TTC38: variants seen among roughly 807,000 people sequenced by gnomAD.
The protein encoded by TTC38 is tetratricopeptide repeat domain 38.
TTC38 carries 64 observed loss-of-function variants against 64.2 expected under a neutral mutation model. The observed-to-expected ratio is 1.00, with a 90% CI of 0.81 to 1.23. TTC38 has a LOEUF of 1.23. Among genes scored for constraint, TTC38 ranks in the 50% most tolerant of loss-of-function variants. The probability of loss-of-function intolerance (pLI) is 0.00; values close to 1 mark genes in which losing one functional copy is unlikely to be tolerated. For synonymous variants in TTC38, 254 were observed against 249.3 expected, an observed-to-expected ratio of 1.02 and a Z score of -0.18; for missense variants, 573 against 615.5, an observed-to-expected ratio of 0.93 and a Z score of 0.73.
In TTC38 at chr22:46,268,557, A is replaced by G. The variant is rs954195851; in HGVS notation, c.77A>G (p.Glu26Gly). The G allele has an allele frequency of 1.2e-6, 2 of 1,614,062 alleles. No individual in the cohort carries two copies. Among genetic ancestry groups the G allele is most frequent in the African/African-American group, 1.3e-5 (1 of 75,076 alleles). ...CTCCCGCTCTCCACCACAAGCAACG[A>G]AGCCTGCAAGCTGTTCGATGCCACG... ...ARLPLSTTSN[E>G]ACKLFDATLT... is the part of the protein sequence containing the mutation. The change falls in exon 2 of 14, where the codon GAA becomes GGA. Residue 26 changes from glutamate to glycine, a missense_variant. Glu to Gly is a moderately conservative substitution (Grantham distance 98, BLOSUM62 -2). Around this residue, in one of 3 missense-constraint regions of TTC38, gnomAD observed 134 missense variants for 126.5 expected, o/e 1.06. Coordinates refer to ENST00000381031, the MANE Select transcript of TTC38 (RefSeq NM_017931.4).
In TTC38 at chr22:46,273,904, G is replaced by A. The variant is rs1237808303; in HGVS notation, c.200G>A (p.Gly67Asp). The A allele has an allele frequency of 5.6e-6, 9 of 1,614,196 alleles. No homozygotes were observed. The South Asian group carries it at 8.8e-5, about 16-fold the overall frequency. ...LKAADPTFVM[G>D]HAMATGLVLI... is the part of the protein sequence containing the mutation. ...TTCTCTAACCTCCCACCAGTGATGG[G>A]CCACGCCATGGCTACTGGCCTTGTG... Residue 67 changes from glycine (G) to aspartate (D), a missense_variant, in exon 4 of 14, where the codon GGC becomes GAC. By Grantham distance (94) the Gly-to-Asp change is moderately conservative (BLOSUM62 -1). Around this residue, in one of 3 missense-constraint regions of TTC38, gnomAD observed 134 missense variants for 126.5 expected, o/e 1.06. Coordinates refer to ENST00000381031, the MANE Select transcript of TTC38 (RefSeq NM_017931.4). The surrounding 1 kb of genome is among the most constrained non-coding windows in gnomAD (Gnocchi z 5.1).
In TTC38 at chr22:46,272,355, CAA is replaced by C; in HGVS notation, c.133_134del (p.Lys45GlufsTer84). The C allele has an allele frequency of 6.2e-7, 1 of 1,613,862 alleles. No homozygotes were observed. On this transcript the variant is annotated frameshift_variant, in exon 3 of 14. Transcript: ENST00000381031. LOFTEE classifies it high-confidence loss of function. The surrounding 1 kb of genome is among the most constrained non-coding windows in gnomAD (Gnocchi z 6.4). ...LTQYVKWTND[K>X]SLGGIEGCLS... ...TTCAGTATGTAAAATGGACCAATGA[CAA>C]GAGTCTCGGTGGCATCGAGGGCTGC... is the stretch of plus-strand genomic sequence containing the variant.
At chr22:46,285,147 C>A in intron 8 of TTC38, 94 bp from the exon 9 acceptor site, 3 of 1,106,714 alleles carry the variant, frequency 2.7e-6, no homozygotes, top group Non-Finnish European at 4.2e-6. Flanking sequence ...AGACCATGTG[C>A]TCAGGGGTCT....
intron 9 of TTC38, 100 bp from the exon 10 acceptor site, chr22:46,286,967 GCTCTAT>G: frequency 1.2e-6 from 1 of 801,568 alleles, no homozygotes; most frequent in Non-Finnish European, 2.0e-6. Flanking sequence ...CAGAGGGCTT[GCTCTAT>G]GCAGGCCCCA....
Position 46,281,007 on chromosome 22 carries a change from G to C in TTC38, c.616-592G>C, listed in dbSNP as rs534338916. 1.3e-5 allele frequency among the ~76,000 whole-genome samples: 2 copies of C among 152,236 alleles called. No homozygotes were observed. Among genetic ancestry groups the C allele is most frequent in the African/African-American group, 4.8e-5 (2 of 41,460 alleles). ...TCCATGAGTCCTGCCTGCCTCGCTG[G>C]TCGCTGTCAAGCTCACAGGTCATGG... is the stretch of plus-strand genomic sequence containing the variant. On this transcript the variant is annotated intron_variant, in intron 6 of 13. Transcript: ENST00000381031. This position sits in a 1 kb window ranked among gnomAD's most constrained non-coding sequence, Gnocchi z 5.2.
chr22:46,284,183 T>C, intron 8 of TTC38, 151 bp downstream of exon 8: 1 of 646,358 alleles, frequency 1.5e-6, no homozygotes. Flanking sequence ...GCTTCAACCT[T>C]TTTAGGGATT....
Position 46,292,658 on chromosome 22 carries a change from G to C in TTC38, c.1317-133G>C. ...AACTGAGGCCAGGCCTCCTGCCCCT[G>C]GGCCTTGGCCCTTGCTGTTCCCTCA... On this transcript the variant is annotated intron_variant, in intron 13 of 13. Transcript: ENST00000381031. The surrounding 1 kb of genome is among the most constrained non-coding windows in gnomAD (Gnocchi z 6.5). The C allele has an allele frequency of 1.3e-6, 1 of 776,624 alleles. No individual in the cohort carries two copies. The highest frequency in any genetic ancestry group is 1.6e-5 in the South Asian group (1 of 62,916). The allele number at this position is 776,624 out of a possible 1,614,324, so 48.1% of individuals were successfully genotyped here.
chr22:46,286,535 C>T (rs2077572858), intron 9 of TTC38, among the ~76,000 whole-genome samples: 1 of 152,012 alleles, frequency 6.6e-6, no homozygotes, highest in South Asian at 2.1e-4. Context: ...GTGGTGGGCA[C>T]CTGTAATCCC....
In TTC38 at chr22:46,274,860, T is replaced by C. The variant is rs1272849190; in HGVS notation, c.366-388T>C. Among the ~76,000 whole-genome samples, 1 of 152,210 alleles carries C rather than the reference T, an allele frequency of 6.6e-6. No homozygotes were observed. The highest frequency in any genetic ancestry group is 6.5e-5 in the Admixed American group (1 of 15,282). ...CATTTATTTATTTAGAGTTTTGCTC[T>C]TGTCGCCCAGGCTGGAATGCAGTGG... On this transcript the variant is annotated intron_variant, in intron 4 of 13. Transcript: ENST00000381031. The surrounding 1 kb of genome is among the most constrained non-coding windows in gnomAD (Gnocchi z 4.8).
Position 46,285,181 on chromosome 22 carries a change from C to T in TTC38, c.796-60C>T, listed in dbSNP as rs373244102. 2.2e-5 allele frequency: 33 copies of T among 1,501,936 alleles called. No homozygotes were observed. In the African/African-American group the frequency reaches 2.3e-4, roughly 11 times the overall value. 93.0% of individuals were successfully genotyped at this position (1,501,936 alleles called of 1,614,324 possible). A position where few individuals can be genotyped will look rare whatever the true frequency, so the allele number is the denominator to read the frequency against. Reference sequence around the variant, plus strand: ...CTTTGGCCTGGCCGTTCTCAGTTCACGTGCCAGCATTACACTTTGCCTTCT... The same window carrying T: ...CTTTGGCCTGGCCGTTCTCAGTTCATGTGCCAGCATTACACTTTGCCTTCT... On this transcript the variant is annotated intron_variant, in intron 8 of 13. Coordinates refer to ENST00000381031, the MANE Select transcript of TTC38 (RefSeq NM_017931.4).
At position 46,274,616 on chromosome 22, in the gene TTC38, T is replaced by G. The variant is rs1165454901; in HGVS notation, c.365+547T>G. Among the ~76,000 whole-genome samples the G allele has an allele frequency of 6.6e-6, 1 of 152,226 alleles. No homozygotes were observed. Among genetic ancestry groups the G allele is most frequent in the Non-Finnish European group, 1.5e-5 (1 of 68,048 alleles). The stretch of plus-strand genomic sequence containing the variant: ...ACTCAGGGATTCCGAACCCTGAGAC[T>G]GGGGAGGTGCGGCCTGGTCTTCCTG... On this transcript the variant is annotated intron_variant, in intron 4 of 13. Coordinates refer to ENST00000381031, the MANE Select transcript of TTC38 (RefSeq NM_017931.4). The surrounding 1 kb of genome is among the most constrained non-coding windows in gnomAD (Gnocchi z 4.8).
rs1251462239 is a variant in TTC38 at position 46,272,689 on chromosome 22, C to T, written c.193+273C>T. Among the ~76,000 whole-genome samples, 3 of 152,194 alleles carry T rather than the reference C, an allele frequency of 2.0e-5. No homozygotes were observed. Among genetic ancestry groups the T allele is most frequent in the Non-Finnish European group, 2.9e-5 (2 of 68,036 alleles). On this transcript the variant is annotated intron_variant, in intron 3 of 13. Transcript: ENST00000381031. The surrounding 1 kb of genome is among the most constrained non-coding windows in gnomAD (Gnocchi z 6.4). ...GAATGAAGATGCTGATCTCATTTCT[C>T]AGATGAGGAAACTGAGGGTTGGCAA... is the stretch of plus-strand genomic sequence containing the variant.
chr22:46,284,693 AC>A (rs934144651), intron 8 of TTC38, among the ~76,000 whole-genome samples: 3 of 152,080 alleles, frequency 2.0e-5, no homozygotes, highest in African/African-American at 7.2e-5. Flanking sequence ...AGCCTGGGCA[AC>A]ATGGTAAAAC....
chr22:46,286,014 C>CAA (rs573736869), intron 9 of TTC38, among the ~76,000 whole-genome samples: 10 of 73,956 alleles, frequency 1.4e-4, no homozygotes, highest in African/African-American at 2.2e-4. Flanking sequence ...GACTCTGTCT[C>CAA]AAAAAAAAAA....
At position 46,276,091 on chromosome 22, in the gene TTC38, T is replaced by C. The variant is rs1010236; in HGVS notation, c.539+670T>C. The stretch of plus-strand genomic sequence containing the variant: ...GTGAGGTTCGGACAGGTTAATAAGC[T>C]GTATTATTTAGTCAGCACTCTCCAG... On this transcript the variant is annotated intron_variant, in intron 5 of 13. Coordinates refer to ENST00000381031, the MANE Select transcript of TTC38 (RefSeq NM_017931.4). The surrounding 1 kb of genome is among the most constrained non-coding windows in gnomAD (Gnocchi z 4.7). 2.5e-3 allele frequency among the ~76,000 whole-genome samples: 384 copies of C among 151,712 alleles called. 1 individual carries two copies. The highest frequency in any genetic ancestry group is 4.9e-3 in the Non-Finnish European group (329 of 67,574).
rs879314439 is a variant in TTC38, at chr22:46,282,052, G to A, written c.735+334G>A. On this transcript the variant is annotated intron_variant, in intron 7 of 13. Coordinates refer to ENST00000381031, the MANE Select transcript of TTC38 (RefSeq NM_017931.4). The surrounding 1 kb of genome is among the most constrained non-coding windows in gnomAD (Gnocchi z 4.4). ...GGGACCCTCTGTGGGATGTGGAAAC[G>A]CAGAGGAAGCATTAAACTCAACTGG... is the stretch of plus-strand genomic sequence containing the variant. The A allele has an allele frequency of 2.9e-5, 14 of 481,106 alleles. No individual in the cohort carries two copies. Among genetic ancestry groups the A allele is most frequent in the Non-Finnish European group, 5.5e-5 (13 of 238,496 alleles). The allele number at this position is 481,106 out of a possible 1,614,324, so 29.8% of individuals were successfully genotyped here. A position where few individuals can be genotyped will look rare whatever the true frequency, so the allele number is the denominator to read the frequency against.
chr22:46,277,835 C>A (rs1241730028), intron 5 of TTC38, among the ~76,000 whole-genome samples: 2 of 152,094 alleles, frequency 1.3e-5, no homozygotes, highest in African/African-American at 4.8e-5. Context: ...CTGTTGACAG[C>A]CCACAGGTCA....
chr22:46,269,940 G>C (rs920783885), intron 2 of TTC38, among the ~76,000 whole-genome samples: 1 of 152,150 alleles, frequency 6.6e-6, no homozygotes, highest in African/African-American at 2.4e-5. Flanking sequence ...TTATAGGCAC[G>C]CACCATCATA....
At position 46,281,917 on chromosome 22, in the gene TTC38, C is replaced by A; in HGVS notation, c.735+199C>A. The A allele has an allele frequency of 1.4e-6, 1 of 730,488 alleles. No homozygotes were observed. 45.3% of individuals were successfully genotyped at this position (730,488 alleles called of 1,614,324 possible). A position where few individuals can be genotyped will look rare whatever the true frequency, so the allele number is the denominator to read the frequency against. On this transcript the variant is annotated intron_variant, in intron 7 of 13. Transcript: ENST00000381031. The surrounding 1 kb of genome is among the most constrained non-coding windows in gnomAD (Gnocchi z 5.2). The stretch of plus-strand genomic sequence containing the variant: ...TTCCAGTCCCCACCCCAGGCCCATA[C>A]CTTGCCCTAGGGACTCCACTGAGGG...
Sources: allele counts gnomAD v4.1 joint callset (sites outside exome capture counted in the v4.1 genomes callset), GRCh38; gene constraint gnomAD v4.1.1; regional missense constraint gnomAD v4.1.1; non-coding constraint Gnocchi (gnomAD v3.1); transcripts MANE v1.5; gene names NCBI Gene and HGNC (gene_info 2026-07-23, HGNC 2026-07-21).